PCDHA7: variants seen among roughly 807,000 people sequenced by gnomAD.
PCDHA7 encodes the protein protocadherin alpha-7.
PCDHA7 carries 37 observed loss-of-function variants against 57.2 expected under a neutral mutation model. The ratio of observed to expected loss-of-function variants is 0.65; its 90% confidence interval spans 0.50 to 0.85. The LOEUF (loss-of-function observed/expected upper bound fraction) is 0.85. Among genes scored for constraint, PCDHA7 ranks in the 40% least tolerant of loss-of-function variants. The pLI is 0.00. For synonymous variants in PCDHA7, 553 were observed against 558.8 expected, an observed-to-expected ratio of 0.99 and a Z score of 0.15; for missense variants, 1,188 against 1,241.8, an observed-to-expected ratio of 0.96 and a Z score of 0.65.
At chr5:140,884,543 T>A (rs1582792528) in intron 1 of PCDHA7, 1 of 1,614,034 alleles carries the variant, frequency 6.2e-7, no homozygotes, top group Non-Finnish European at 8.5e-7. Flanking sequence ...GCCGAGGGTG[T>A]GCTCTGGGGA....
At chr5:140,955,522 C>A (rs1467341493) in intron 1 of PCDHA7, among the ~76,000 whole-genome samples, 5 of 152,180 alleles carry the variant, frequency 3.3e-5, no homozygotes, top group African/African-American at 1.2e-4. Context: ...GCTTTCCCTT[C>A]CACCATGATT....
chr5:140,842,067 T>G, intron 1 of PCDHA7: 1 of 1,613,874 alleles, frequency 6.2e-7, no homozygotes, highest in Non-Finnish European at 8.5e-7. Flanking sequence ...GAATACGAAG[T>G]AAGAATATTC....
intron 1 of PCDHA7, among the ~76,000 whole-genome samples, chr5:140,937,638 CATGGTGG>C (rs1563162054): frequency 2.0e-5 from 3 of 150,048 alleles, no homozygotes; most frequent in South Asian, 4.2e-4. Flanking sequence ...AAAGGCAGGG[CATGGTGG>C]CTCACGCCTG....
chr5:140,927,920 T>G (rs782193396), intron 1 of PCDHA7: 1 of 1,614,120 alleles, frequency 6.2e-7, no homozygotes, highest in Non-Finnish European at 8.5e-7. Flanking sequence ...CTGGACTTCC[T>G]GACTCTTTCG....
At chr5:141,000,589 A>G (rs1234300694) in intron 3 of PCDHA7, among the ~76,000 whole-genome samples, 3 of 150,422 alleles carry the variant, frequency 2.0e-5, no homozygotes, top group Admixed American at 2.0e-4. Context: ...CACCATGCCC[A>G]GCTAATTTTT....
chr5:140,882,926 C>A (rs144073627), intron 1 of PCDHA7: 1 of 1,614,058 alleles, frequency 6.2e-7, no homozygotes, highest in Non-Finnish European at 8.5e-7. Flanking sequence ...TGGAGGTAAA[C>A]CCGAGCTGAC....
chr5:140,889,063 A>G (rs1423499022), intron 1 of PCDHA7, among the ~76,000 whole-genome samples: 2 of 151,938 alleles, frequency 1.3e-5, no homozygotes, highest in Non-Finnish European at 2.9e-5. Context: ...CTTTTAATAT[A>G]CTACTTATTT....
In PCDHA7 at chr5:140,986,391, G is replaced by A. The variant is rs144915625; in HGVS notation, c.2503+3828G>A. Among the ~76,000 whole-genome samples, 1,153 of 152,256 alleles carry A rather than the reference G, an allele frequency of 7.6e-3. 6 individuals are homozygous for A. Among genetic ancestry groups the A allele is most frequent in the Middle Eastern group, 0.014 (4 of 294 alleles). ...GTTTTGGGGGGAGGGACATTAAAGG[G>A]CCAGTCGCTCATGTTACAGCTCTTT... On this transcript the variant is annotated intron_variant, in intron 3 of 3. Transcript: ENST00000525929.
In PCDHA7 at chr5:140,841,681, C is replaced by T. The variant is rs2150320703; in HGVS notation, c.2355+4943C>T. 2.5e-6 allele frequency: 4 copies of T among 1,613,906 alleles called. No individual in the cohort carries two copies. In the South Asian group the frequency reaches 4.4e-5, roughly 18 times the overall value. ...GGCCGCTGCAGGTTTTCCATGTGGA[C>T]GTGGAGGTGAAGGATGTTAATGACA... On this transcript the variant is annotated intron_variant, in intron 1 of 3. Transcript: ENST00000525929.
intron 1 of PCDHA7, among the ~76,000 whole-genome samples, chr5:140,937,400 T>A (rs1210509586): frequency 6.6e-6 from 1 of 152,224 alleles, no homozygotes; most frequent in Non-Finnish European, 1.5e-5. Flanking sequence ...ATAGGGGTAT[T>A]GCACAACTTT....
At chr5:140,843,985 C>T (rs1171962814) in intron 1 of PCDHA7, among the ~76,000 whole-genome samples, 4 of 149,436 alleles carry the variant, frequency 2.7e-5, no homozygotes, top group Non-Finnish European at 6.0e-5. Context: ...TGCCTTACAG[C>T]CGTCTTCTCT....
chr5:140,858,291 A>C (rs782112368), intron 1 of PCDHA7: 1 of 1,597,182 alleles, frequency 6.3e-7, no homozygotes, highest in South Asian at 1.1e-5. Flanking sequence ...AGCTGGTCTT[A>C]CTCGCAGCAG....
chr5:141,008,329 T>C (rs2098370202), intron 3 of PCDHA7, among the ~76,000 whole-genome samples: 1 of 152,192 alleles, frequency 6.6e-6, no homozygotes, highest in Non-Finnish European at 1.5e-5. Context: ...AAACAGTTTA[T>C]TTGATGGAGC....
chr5:140,967,332 C>G, intron 1 of PCDHA7: 2 of 1,608,024 alleles, frequency 1.2e-6, no homozygotes, highest in Non-Finnish European at 1.7e-6. Context: ...GAGCTCAGCC[C>G]CAGCGAGCAC....
rs535420158 is a variant in PCDHA7, at chr5:140,966,438, T to TC, written c.2356-12508dup. Reference sequence around the variant, plus strand: ...AGGACTTGCTGAGCCCTCCTACCGCTCCCTTTCCCCCTCCCCCTCTGTCTT... The same window carrying TC: ...AGGACTTGCTGAGCCCTCCTACCGCTCCCCTTTCCCCCTCCCCCTCTGTCTT... On this transcript the variant is annotated intron_variant, in intron 1 of 3. Transcript: ENST00000525929. 1.4e-5 allele frequency: 6 copies of TC among 422,688 alleles called. No homozygotes were observed. The East Asian group carries it at 1.4e-4, about 10-fold the overall frequency. 26.2% of individuals were successfully genotyped at this position (422,688 alleles called of 1,614,324 possible).
intron 1 of PCDHA7, among the ~76,000 whole-genome samples, chr5:140,933,393 C>G (rs1419190705): frequency 2.6e-5 from 4 of 151,956 alleles, no homozygotes; most frequent in Admixed American, 1.3e-4. Context: ...CTAGAGCCAT[C>G]TGGTTACCAT....
rs559156187 is a variant in PCDHA7 at position 140,858,121 on chromosome 5, G to A, written c.2355+21383G>A. On this transcript the variant is annotated intron_variant, in intron 1 of 3. Coordinates refer to ENST00000525929, the MANE Select transcript of PCDHA7 (RefSeq NM_018910.3). ...TGGGCGTGGCGCCCGAGGTGGCCCTGGTGGATGTCAACGTGTACCTGATCA... is the reference window on the plus strand; with the variant it reads ...TGGGCGTGGCGCCCGAGGTGGCCCTAGTGGATGTCAACGTGTACCTGATCA... 7 of 1,597,864 alleles carry A rather than the reference G, an allele frequency of 4.4e-6. No individual in the cohort carries two copies. The South Asian group carries it at 5.5e-5, about 13-fold the overall frequency.
At chr5:140,930,413 G>A (rs1461655739) in intron 1 of PCDHA7, 1 of 151,722 alleles carries the variant, frequency 6.6e-6, no homozygotes, top group Non-Finnish European at 1.5e-5. Flanking sequence ...TTTGAGACAG[G>A]GGTCTCACTA....
chr5:140,989,197 C>T (rs2097332742), intron 3 of PCDHA7, among the ~76,000 whole-genome samples: 1 of 152,206 alleles, frequency 6.6e-6, no homozygotes, highest in Admixed American at 6.5e-5. Context: ...ACCCTCCCTT[C>T]TAGCTTTCTT....
Sources: gnomAD v4.1 joint callset for allele counts (sites outside exome capture counted in the v4.1 genomes callset) on GRCh38, gnomAD v4.1.1 for gene constraint, MANE v1.5 for transcripts, NCBI Gene and HGNC (gene_info 2026-07-23, HGNC 2026-07-21) for gene names.